SLC22A15: variants seen among roughly 807,000 people sequenced by gnomAD.
SLC22A15 encodes solute carrier family 22 member 15, also known as flipt 1.
Under a neutral mutation model 62.7 loss-of-function variants are expected in SLC22A15, and 45 were observed. The observed-to-expected ratio is 0.72, with a 90% CI of 0.56 to 0.92. The LOEUF (loss-of-function observed/expected upper bound fraction) is 0.92, where lower values mean the gene tolerates loss of function less well. SLC22A15 is among the 40% of genes least tolerant of loss of function. The pLI is 0.00. For synonymous variants in SLC22A15, 264 were observed against 267.0 expected (o/e 0.99, Z 0.11); for missense variants, 622 against 665.6 (o/e 0.93, Z 0.72).
chr1:116,057,822 C>T (rs902806796), intron 8 of SLC22A15, among the ~76,000 whole-genome samples: 2 of 151,994 alleles, frequency 1.3e-5, no homozygotes, highest in African/African-American at 2.4e-5. Flanking sequence ...AAACCAAACA[C>T]CACATGTCCT....
Position 116,068,161 on chromosome 1 carries a change from GT to G in SLC22A15, c.*1058del, listed in dbSNP as rs1292368743. 6.6e-6 allele frequency: 1 copy of G among 152,606 alleles called. No individual in the cohort carries two copies. The highest frequency in any genetic ancestry group is 1.9e-4 in the East Asian group (1 of 5,194). The allele number at this position is 152,606 out of a possible 1,614,324, so 9.5% of individuals were successfully genotyped here. On this transcript the variant is annotated 3_prime_UTR_variant, in exon 12 of 12. Coordinates refer to ENST00000369503, the MANE Select transcript of SLC22A15 (RefSeq NM_018420.3). ...TTCAGTAATTTCATGGGAAACCTTGGTTTTTCATTAAGTGCTACCAACTTTC... is the reference window on the plus strand; with the variant it reads ...TTCAGTAATTTCATGGGAAACCTTGGTTTTCATTAAGTGCTACCAACTTTC...
chr1:116,065,909 G>A (rs531223969), intron 10 of SLC22A15, among the ~76,000 whole-genome samples: 1 of 152,100 alleles, frequency 6.6e-6, no homozygotes, highest in Non-Finnish European at 1.5e-5. Flanking sequence ...GTTTTCCTGA[G>A]AATATGTTTT....
intron 1 of SLC22A15, among the ~76,000 whole-genome samples, chr1:115,990,818 C>T (rs548064725): frequency 2.0e-5 from 3 of 152,076 alleles, no homozygotes; most frequent in Non-Finnish European, 2.9e-5. Flanking sequence ...AGTGCAGTGG[C>T]GTGATCTCAG....
At chr1:116,038,579 AT>A (rs1344947638) in intron 8 of SLC22A15, among the ~76,000 whole-genome samples, 3 of 152,212 alleles carry the variant, frequency 2.0e-5, no homozygotes, top group Middle Eastern at 3.2e-3. Context: ...AAATTTGCCC[AT>A]TTTTTATTCT....
chr1:116,059,681 A>G (rs1035152784), intron 8 of SLC22A15, among the ~76,000 whole-genome samples: 11 of 152,194 alleles, frequency 7.2e-5, no homozygotes, highest in African/African-American at 2.4e-4. Context: ...GTATCATAGC[A>G]GAGGACCTGT....
In SLC22A15 at chr1:116,069,052, C is replaced by T. The variant is rs1378606930; in HGVS notation, c.*1944C>T. Reference sequence around the variant, plus strand: ...TTCCATTTGAAGACTAATTGGGAGTCCATCTCTCTATTGGCACTGGGTTCG... The same window carrying T: ...TTCCATTTGAAGACTAATTGGGAGTTCATCTCTCTATTGGCACTGGGTTCG... On this transcript the variant is annotated 3_prime_UTR_variant, in exon 12 of 12. Coordinates refer to ENST00000369503, the MANE Select transcript of SLC22A15 (RefSeq NM_018420.3). 1 of 152,146 alleles carries T rather than the reference C, an allele frequency of 6.6e-6. No homozygotes were observed. Among genetic ancestry groups the T allele is most frequent in the Non-Finnish European group, 1.5e-5 (1 of 68,034 alleles). The allele number at this position is 152,146 out of a possible 1,614,324, so 9.4% of individuals were successfully genotyped here.
At chr1:115,985,259 T>A (rs1654801326) in intron 1 of SLC22A15, among the ~76,000 whole-genome samples, 1 of 152,230 alleles carries the variant, frequency 6.6e-6, no homozygotes, top group African/African-American at 2.4e-5. Flanking sequence ...CATTGTGTTG[T>A]AGTTACCAAC....
chr1:116,067,840 A>G lies in SLC22A15; in HGVS notation c.*732A>G, dbSNP rs1226368911. On this transcript the variant is annotated 3_prime_UTR_variant, in exon 12 of 12. Coordinates refer to ENST00000369503, the MANE Select transcript of SLC22A15 (RefSeq NM_018420.3). Reference sequence around the variant, plus strand: ...TCAGCTCCCTTGGATACTATATTGTATGATTTCTTCCTTTCCCACTAATAT... The same window carrying G: ...TCAGCTCCCTTGGATACTATATTGTGTGATTTCTTCCTTTCCCACTAATAT... 1 of 152,180 alleles carries G rather than the reference A, an allele frequency of 6.6e-6. No homozygotes were observed. The highest frequency in any genetic ancestry group is 1.5e-5 in the Non-Finnish European group (1 of 68,042). The allele number at this position is 152,180 out of a possible 1,614,324, so 9.4% of individuals were successfully genotyped here. A position where few individuals can be genotyped will look rare whatever the true frequency, so the allele number is the denominator to read the frequency against.
chr1:115,997,438 A>G (rs1458230600), intron 2 of SLC22A15, among the ~76,000 whole-genome samples: 1 of 152,086 alleles, frequency 6.6e-6, no homozygotes, highest in Non-Finnish European at 1.5e-5. Flanking sequence ...CATTAACATG[A>G]AATATCTTGC....
chr1:116,010,641 T>C (rs189226397), intron 2 of SLC22A15, among the ~76,000 whole-genome samples: 1 of 152,330 alleles, frequency 6.6e-6, no homozygotes, highest in East Asian at 1.9e-4. Flanking sequence ...AAAGTTGTAA[T>C]TATTTTTATT....
chr1:116,041,616 A>G lies in SLC22A15; in HGVS notation c.1171+4228A>G, dbSNP rs184611655. ...CCACAGTGCAGGGAAGGGAAGCCCA[A>G]CAAATCATAGCATTCTTACTAAATT... is the stretch of plus-strand genomic sequence containing the variant. On this transcript the variant is annotated intron_variant, in intron 8 of 11. Transcript: ENST00000369503. Among the ~76,000 whole-genome samples, 132 of 152,362 alleles carry G rather than the reference A, an allele frequency of 8.7e-4. 2 individuals are homozygous for G. The highest frequency in any genetic ancestry group is 1.3e-3 in the African/African-American group (52 of 41,578).
At chr1:116,008,649 TGCTC>T (rs1444455298) in intron 2 of SLC22A15, among the ~76,000 whole-genome samples, 1 of 152,230 alleles carries the variant, frequency 6.6e-6, no homozygotes, top group Non-Finnish European at 1.5e-5. Context: ...CTAAATAAGA[TGCTC>T]GCAGTCACCT....
At chr1:116,026,780 G>A in intron 4 of SLC22A15, 113 bp from the exon 5 acceptor site, 1 of 1,258,710 alleles carries the variant, frequency 7.9e-7, no homozygotes, top group Non-Finnish European at 1.1e-6. Context: ...TCTTATAGTT[G>A]CCAGCATAGG....
intron 2 of SLC22A15, among the ~76,000 whole-genome samples, chr1:115,999,740 G>A (rs1186396782): frequency 3.3e-5 from 5 of 152,060 alleles, no homozygotes; most frequent in Non-Finnish European, 1.5e-5. Flanking sequence ...TTGAGCTCAG[G>A]CAGTCTGCCT....
intron 1 of SLC22A15, among the ~76,000 whole-genome samples, chr1:115,986,055 C>T (rs1325946129): frequency 6.6e-6 from 1 of 151,316 alleles, no homozygotes; most frequent in Admixed American, 6.6e-5. Context: ...GTTGCCCAGG[C>T]TGGTCTTGAA....
At chr1:116,063,083 G>A (rs1205875100) in intron 9 of SLC22A15, among the ~76,000 whole-genome samples, 2 of 152,122 alleles carry the variant, frequency 1.3e-5, no homozygotes, top group Non-Finnish European at 2.9e-5. Flanking sequence ...ACTTTATGGT[G>A]GACTGAATTC....
chr1:116,032,747 A>C, intron 6 of SLC22A15: 1 of 546,490 alleles, frequency 1.8e-6, no homozygotes, highest in Non-Finnish European at 2.3e-6. Context: ...TGACAACACA[A>C]CATAGGAGCT....
intron 6 of SLC22A15, among the ~76,000 whole-genome samples, chr1:116,034,342 C>T (rs1657553719): frequency 6.6e-6 from 1 of 152,006 alleles, no homozygotes; most frequent in Non-Finnish European, 1.5e-5. Context: ...TTCCTACTAC[C>T]ACCATTACTG....
chr1:116,031,611 CT>C (rs781586824), intron 6 of SLC22A15, 30 bp downstream of exon 6: 10 of 1,609,790 alleles, frequency 6.2e-6, no homozygotes, highest in Non-Finnish European at 8.5e-6. Flanking sequence ...TTCTGTTGCT[CT>C]TTAACTAAGG....
Sources: allele counts gnomAD v4.1 joint callset (sites outside exome capture counted in the v4.1 genomes callset), GRCh38; gene constraint gnomAD v4.1.1; transcripts MANE v1.5; gene names NCBI Gene and HGNC (gene_info 2026-07-23, HGNC 2026-07-21).